Variants in LCORL observed in about 807,000 individuals in gnomAD.
LCORL encodes ligand dependent nuclear receptor corepressor like, also known as ligand-dependent nuclear receptor corepressor-like protein.
In LCORL, 41 loss-of-function variants were observed where a neutral mutation model predicts 141.8. That is an observed-to-expected ratio of 0.29 (90% CI 0.23 to 0.38). The LOEUF (loss-of-function observed/expected upper bound fraction) is 0.38, where lower values mean the gene tolerates loss of function less well. Among genes scored for constraint, LCORL ranks in the 10% least tolerant of loss-of-function variants. The pLI is 1.00. For synonymous variants in LCORL, 618 were observed against 694.1 expected, an observed-to-expected ratio of 0.89 and a Z score of 1.72; for missense variants, 1,759 against 2,035.0, an observed-to-expected ratio of 0.86 and a Z score of 2.61.
At chr4:17,866,541 T>C (rs978092678) in intron 7 of LCORL, among the ~76,000 whole-genome samples, 1 of 151,766 alleles carries the variant, frequency 6.6e-6, no homozygotes, top group Non-Finnish European at 1.5e-5. Context: ...TATGTTTGCA[T>C]AACACAGAAA....
rs1727987695 is a variant in LCORL at position 17,884,233 on chromosome 4, C to T, written c.776+1835G>A. 2 of 1,550,518 alleles carry T rather than the reference C, an allele frequency of 1.3e-6. No individual in the cohort carries two copies. The highest frequency in any genetic ancestry group is 1.7e-6 in the Non-Finnish European group (2 of 1,146,354). On this transcript the variant is annotated intron_variant, in intron 6 of 7. Transcript: ENST00000635767. This position sits in a 1 kb window ranked among gnomAD's most constrained non-coding sequence, Gnocchi z 4.4. ...TGGAAACTTGATACATAACATCCAA[C>T]AGACCAGAACCATCAGGTTGTGATT...
At chr4:17,936,798 G>T (rs1031266859) in intron 4 of LCORL, among the ~76,000 whole-genome samples, 6 of 152,118 alleles carry the variant, frequency 3.9e-5, no homozygotes, top group African/African-American at 7.2e-5. Context: ...TGCAGTAGGG[G>T]TGGCACAATA....
chr4:17,851,754 C>T (rs1723747557), intron 7 of LCORL, among the ~76,000 whole-genome samples: 1 of 152,106 alleles, frequency 6.6e-6, no homozygotes, highest in African/African-American at 2.4e-5. Flanking sequence ...TCAAAGTGCC[C>T]TTCGGAGACT....
rs1156403111 is a variant in LCORL at position 18,021,534 on chromosome 4, AC to A, written c.154+63del. On this transcript the variant is annotated intron_variant, in intron 1 of 7. Coordinates refer to ENST00000635767, the Ensembl canonical transcript of LCORL. This position sits in a 1 kb window ranked among gnomAD's most constrained non-coding sequence, Gnocchi z 5.5. ...ATTCAACTAAACCCCTCAGCCACAA[AC>A]TCCTCGGGCTGCGACAGCGGTCGCC... 1 of 1,415,432 alleles carries A rather than the reference AC, an allele frequency of 7.1e-7. No homozygotes were observed. The highest frequency in any genetic ancestry group is 1.5e-5 in the African/African-American group (1 of 65,060). The allele number at this position is 1,415,432 out of a possible 1,614,324, so 87.7% of individuals were successfully genotyped here. A position where few individuals can be genotyped will look rare whatever the true frequency, so the allele number is the denominator to read the frequency against.
intron 1 of LCORL, among the ~76,000 whole-genome samples, chr4:18,011,092 G>C (rs1384676851): frequency 1.3e-5 from 2 of 152,070 alleles, no homozygotes; most frequent in Non-Finnish European, 2.9e-5. Context: ...CTTCTCTACT[G>C]AGCCTAGGAC....
intron 7 of LCORL, among the ~76,000 whole-genome samples, chr4:17,859,373 T>C (rs1470695164): frequency 2.0e-5 from 3 of 152,174 alleles, no homozygotes; most frequent in Non-Finnish European, 4.4e-5. Context: ...GCATCAGTAC[T>C]AAGAGAAAAA....
intron 4 of LCORL, among the ~76,000 whole-genome samples, chr4:17,915,159 T>C (rs997113725): frequency 2.0e-5 from 3 of 152,042 alleles, no homozygotes; most frequent in Non-Finnish European, 2.9e-5. Flanking sequence ...CCTTCATCTC[T>C]CTCTCTCTCA....
chr4:17,970,338 G>C (rs1715687001), intron 2 of LCORL, among the ~76,000 whole-genome samples: 1 of 152,140 alleles, frequency 6.6e-6, no homozygotes, highest in Non-Finnish European at 1.5e-5. Flanking sequence ...TTCCAAGCAA[G>C]CTATAAAACA....
chr4:17,880,755 AT>A, intron 6 of LCORL: 1 of 962,786 alleles, frequency 1.0e-6, no homozygotes, highest in Non-Finnish European at 1.2e-6. Flanking sequence ...ATACAATCAG[AT>A]TTAGATATAT....
intron 4 of LCORL, among the ~76,000 whole-genome samples, chr4:17,936,470 G>C (rs898431754): frequency 6.6e-6 from 1 of 151,836 alleles, no homozygotes; most frequent in Admixed American, 6.6e-5. Flanking sequence ...TTCCAGATCA[G>C]TATTTTTTTT....
At chr4:17,846,406 A>ATGC (rs1337068627) in intron 7 of LCORL, among the ~76,000 whole-genome samples, 1 of 152,158 alleles carries the variant, frequency 6.6e-6, no homozygotes, top group Non-Finnish European at 1.5e-5. Context: ...AAGTACAAAT[A>ATGC]TGCCTGAGGT....
chr4:17,904,898 A>G (rs1192811553), intron 5 of LCORL, among the ~76,000 whole-genome samples: 1 of 152,138 alleles, frequency 6.6e-6, no homozygotes, highest in African/African-American at 2.4e-5. Flanking sequence ...TTTAACAACA[A>G]ATCCTGTCAG....
chr4:17,972,716 G>T lies in LCORL; in HGVS notation c.220+104C>A, dbSNP rs557298802. ...TTTAAAATATTTTCTAATTAAATTGGATCATAAATTCATGTTTAATATAAA... is the reference window on the plus strand; with the variant it reads ...TTTAAAATATTTTCTAATTAAATTGTATCATAAATTCATGTTTAATATAAA... On this transcript the variant is annotated intron_variant, in intron 2 of 7. Transcript: ENST00000635767. 3.7e-5 allele frequency: 15 copies of T among 402,052 alleles called. 1 individual carries two copies. The South Asian group carries it at 1.3e-3, about 35-fold the overall frequency. 24.9% of individuals were successfully genotyped at this position (402,052 alleles called of 1,614,324 possible). A position where few individuals can be genotyped will look rare whatever the true frequency, so the allele number is the denominator to read the frequency against.
intron 2 of LCORL, among the ~76,000 whole-genome samples, chr4:17,968,598 G>T (rs928462036): frequency 2.0e-5 from 3 of 152,084 alleles, no homozygotes; most frequent in Admixed American, 2.0e-4. Context: ...TAAGTCAGGG[G>T]TCAGCAAACC....
At chr4:17,916,644 T>C (rs1028933632) in intron 4 of LCORL, among the ~76,000 whole-genome samples, 3 of 86,682 alleles carry the variant, frequency 3.5e-5, no homozygotes, top group Non-Finnish European at 6.7e-5. Flanking sequence ...ATTAAATGTC[T>C]TTTTTTTTTT....
intron 1 of LCORL, among the ~76,000 whole-genome samples, chr4:17,995,516 T>C (rs975787808): frequency 2.6e-5 from 4 of 152,158 alleles, no homozygotes; most frequent in African/African-American, 9.6e-5. Context: ...TCTAAATAGA[T>C]ACTAAAAGAG....
intron 1 of LCORL, among the ~76,000 whole-genome samples, chr4:17,979,278 T>G (rs956138079): frequency 6.6e-6 from 1 of 152,196 alleles, no homozygotes; most frequent in Non-Finnish European, 1.5e-5. Context: ...ATCATTAGTT[T>G]CCTTCTTCTC....
chr4:17,935,940 A>C (rs937599314), intron 4 of LCORL, among the ~76,000 whole-genome samples: 2 of 152,214 alleles, frequency 1.3e-5, no homozygotes, highest in African/African-American at 4.8e-5. Context: ...AAAGTATATT[A>C]CACATTACTG....
intron 7 of LCORL, among the ~76,000 whole-genome samples, chr4:17,868,251 T>C (rs1187420129): frequency 6.6e-6 from 1 of 152,046 alleles, no homozygotes; most frequent in Non-Finnish European, 1.5e-5. Flanking sequence ...GAATTCTGAA[T>C]GGGAAAAATG....
Sources: allele counts gnomAD v4.1 joint callset (sites outside exome capture counted in the v4.1 genomes callset), GRCh38; gene constraint gnomAD v4.1.1; non-coding constraint Gnocchi (gnomAD v3.1); transcripts MANE v1.5; gene names NCBI Gene and HGNC (gene_info 2026-07-23, HGNC 2026-07-21).